LAMA1: variants seen among roughly 807,000 people sequenced by gnomAD.
The protein encoded by LAMA1 is laminin subunit alpha-1.
In LAMA1, 219 loss-of-function variants were observed where a neutral mutation model predicts 348.7. The ratio of observed to expected loss-of-function variants is 0.63; its 90% CI spans 0.56 to 0.70. LAMA1 has a LOEUF of 0.70. LAMA1 is among the 30% of genes least tolerant of loss of function. LAMA1 has a pLI of 0.00. For synonymous variants in LAMA1, 1,487 were observed against 1,491.0 expected (o/e 1.00, Z 0.06); for missense variants, 3,744 against 3,888.0 (o/e 0.96, Z 0.99).
At chr18:7,039,928 C>T (rs751866838) in intron 10 of LAMA1, 148 bp downstream of exon 10, 274 of 856,644 alleles carry the variant, frequency 3.2e-4, no homozygotes, top group Non-Finnish European at 4.6e-4. Flanking sequence ...ACAGCCAACT[C>T]GGTGTGGCTT....
chr18:6,965,013 C>T (rs534135744), intron 50 of LAMA1, among the ~76,000 whole-genome samples: 24 of 152,280 alleles, frequency 1.6e-4, no homozygotes, highest in African/African-American at 5.1e-4. Context: ...GAGCAGTATG[C>T]ATGTGGAAGA....
chr18:7,083,832 A>T (rs921231403), intron 1 of LAMA1, among the ~76,000 whole-genome samples: 1 of 152,062 alleles, frequency 6.6e-6, no homozygotes, highest in African/African-American at 2.4e-5. Context: ...GCACTTCGGG[A>T]GGCCGAGGCG....
chr18:7,016,658 C>T lies in LAMA1; in HGVS notation c.2822G>A (p.Gly941Glu), dbSNP rs746797976. ...QCDQCLHGYY[G>E]LDSGHGCRPC... ...CCGGCAGCCATGGCCTGAGTCCAGC[C>T]CATAATAGCCATGCTGTTTCACCAA... is the stretch of plus-strand genomic sequence containing the variant. The change falls in exon 21 of 63, where the codon GGG (glycine) becomes GAG (glutamate). Residue 941 changes from glycine (G) to glutamate (E), a missense_variant. Gly to Glu is a moderately conservative substitution (Grantham distance 98). Around this residue, in one of 3 missense-constraint regions of LAMA1, gnomAD observed 1,529 missense variants for 1,689.4 expected, o/e 0.91. Transcript: ENST00000389658. The T allele has an allele frequency of 6.8e-6, 11 of 1,612,812 alleles. No homozygotes were observed. Among genetic ancestry groups the T allele is most frequent in the Non-Finnish European group, 8.5e-6 (10 of 1,179,566 alleles).
rs370585221 is a variant in LAMA1, at chr18:7,040,248, A to G, written c.1262-12T>C. The G allele has an allele frequency of 6.2e-6, 10 of 1,613,936 alleles. No homozygotes were observed. In the African/African-American group the frequency reaches 9.3e-5, roughly 15 times the overall value. On this transcript the variant is annotated splice_polypyrimidine_tract_variant and intron_variant, in intron 9 of 62. Transcript: ENST00000389658. ...ACCTGGCTGCTTCCCTAGAAAGACAACAATGGCAATGACCCAACATGAAGG... is the reference window on the plus strand; with the variant it reads ...ACCTGGCTGCTTCCCTAGAAAGACAGCAATGGCAATGACCCAACATGAAGG...
At chr18:7,105,203 C>A (rs1484831316) in intron 1 of LAMA1, among the ~76,000 whole-genome samples, 1 of 152,046 alleles carries the variant, frequency 6.6e-6, no homozygotes, top group African/African-American at 2.4e-5. Flanking sequence ...CTTCAAGAGG[C>A]CGAGGCAGGT....
At chr18:7,084,074 GAAAAAAAA>G (rs35419107) in intron 1 of LAMA1, among the ~76,000 whole-genome samples, 6 of 49,706 alleles carry the variant, frequency 1.2e-4, no homozygotes, top group Non-Finnish European at 2.3e-4. Flanking sequence ...TTCTGTCTCA[GAAAAAAAA>G]AAAAAAAAAA....
At chr18:6,947,895 G>A (rs2057529383) in intron 60 of LAMA1, among the ~76,000 whole-genome samples, 1 of 152,142 alleles carries the variant, frequency 6.6e-6, no homozygotes, top group Admixed American at 6.5e-5. Flanking sequence ...GAGCTGGGGG[G>A]TGCAAGGGGA....
intron 42 of LAMA1, among the ~76,000 whole-genome samples, chr18:6,979,995 G>C (rs958810003): frequency 5.3e-5 from 8 of 151,840 alleles, no homozygotes; most frequent in African/African-American, 1.9e-4. Context: ...TGGCTTCTCT[G>C]TTACAATAAA....
At position 7,012,072 on chromosome 18, in the gene LAMA1, G is replaced by C. The variant is rs754574679; in HGVS notation, c.3430C>G (p.Pro1144Ala). 7 of 1,613,202 alleles carry C rather than the reference G, an allele frequency of 4.3e-6. No homozygotes were observed. Among genetic ancestry groups the C allele is most frequent in the Non-Finnish European group, 5.9e-6 (7 of 1,179,560 alleles). ...EGTFALRADN[P>A]LGCSPCFCSG... is the part of the protein sequence containing the mutation. ...CAGAAGCACGGGCTGCAGCCCAGGG[G>C]GTTGTCTGCGCGGAGAGCGAAGGTG... is the stretch of plus-strand genomic sequence containing the variant. The change falls in exon 24 of 63, where the codon CCC becomes GCC. Residue 1144 changes from proline to alanine, a missense_variant. This residue lies in a region of LAMA1 where 1,529 missense variants were observed against 1,689.4 expected (regional missense o/e 0.91). Coordinates refer to ENST00000389658, the MANE Select transcript of LAMA1 (RefSeq NM_005559.4).
intron 18 of LAMA1, among the ~76,000 whole-genome samples, chr18:7,024,125 T>C (rs1350937301): frequency 6.6e-6 from 1 of 152,146 alleles, no homozygotes; most frequent in African/African-American, 2.4e-5. Context: ...ATTACATGTG[T>C]GGGCCACCAA....
chr18:7,077,212 T>TA lies in LAMA1; in HGVS notation c.345+2762_345+2763insT, dbSNP rs2058172406. Reference sequence around the variant, plus strand: ...TTCTGTTCTTTTCTTTTTTTTTTTTTTTTTTTTGAGACGGAGTCTCGCTCT... The same window carrying TA: ...TTCTGTTCTTTTCTTTTTTTTTTTTTATTTTTTTGAGACGGAGTCTCGCTCT... On this transcript the variant is annotated intron_variant, in intron 3 of 62. Coordinates refer to ENST00000389658, the MANE Select transcript of LAMA1 (RefSeq NM_005559.4). Among the ~76,000 whole-genome samples, 5 of 147,030 alleles carry TA rather than the reference T, an allele frequency of 3.4e-5. No homozygotes were observed. The South Asian group carries it at 1.1e-3, about 32-fold the overall frequency.
At position 7,042,173 on chromosome 18, in the gene LAMA1, C is replaced by T. The variant is rs202160200; in HGVS notation, c.1233G>A (p.Lys411=). Residue 411 remains lysine, a synonymous_variant, in exon 9 of 63, where the codon AAG becomes AAA. Transcript: ENST00000389658. ...PVGSLSSVCI[K]DDLHSDLHNG... is the part of the protein sequence containing the mutation. ...TGTGTAAGTCAGAATGGAGGTCATC[C>T]TTAATACAGACAGAACTGAGGGACC... 2 of 1,612,382 alleles carry T rather than the reference C, an allele frequency of 1.2e-6. No homozygotes were observed. Among genetic ancestry groups the T allele is most frequent in the Non-Finnish European group, 1.7e-6 (2 of 1,179,002 alleles).
chr18:7,013,661 G>A (rs1568030838), intron 23 of LAMA1, among the ~76,000 whole-genome samples, 154 bp downstream of exon 23: 1 of 152,146 alleles, frequency 6.6e-6, no homozygotes, highest in African/African-American at 2.4e-5. Context: ...TCACTCTAGA[G>A]GAGCATAAGA....
At chr18:7,117,272 C>A (rs2058361121) in intron 1 of LAMA1, among the ~76,000 whole-genome samples, 1 of 151,820 alleles carries the variant, frequency 6.6e-6, no homozygotes, top group South Asian at 2.1e-4. Context: ...CCGCCACCCC[C>A]GCCCGCGCAG....
chr18:7,112,617 T>C (rs929360556), intron 1 of LAMA1, among the ~76,000 whole-genome samples: 1 of 147,030 alleles, frequency 6.8e-6, no homozygotes, highest in Non-Finnish European at 1.5e-5. Flanking sequence ...TACACACATA[T>C]ATGTATTTTA....
chr18:7,045,590 G>A (rs1013168143), intron 6 of LAMA1, among the ~76,000 whole-genome samples: 2 of 151,754 alleles, frequency 1.3e-5, no homozygotes, highest in African/African-American at 2.4e-5. Flanking sequence ...ACAGAGTCTC[G>A]CTCTGTCACC....
At chr18:7,025,818 A>T (rs1268005487) in intron 17 of LAMA1, among the ~76,000 whole-genome samples, 161 bp downstream of exon 17, 2 of 152,244 alleles carry the variant, frequency 1.3e-5, no homozygotes, top group Admixed American at 6.5e-5. Flanking sequence ...TTGGTTTACA[A>T]GAAAATAACC....
At chr18:6,960,666 A>G (rs2057602621) in intron 53 of LAMA1, 1 of 148,240 alleles carries the variant, frequency 6.7e-6, no homozygotes, top group Non-Finnish European at 1.5e-5. Flanking sequence ...TATGAATTTC[A>G]GCTCAACTAC....
chr18:7,050,242 GTT>G (rs1316219034), intron 4 of LAMA1, among the ~76,000 whole-genome samples: 1 of 152,150 alleles, frequency 6.6e-6, no homozygotes, highest in Non-Finnish European at 1.5e-5. Context: ...AGAATGGGCT[GTT>G]TCTCATTATA....
Sources: allele counts gnomAD v4.1 joint callset (sites outside exome capture counted in the v4.1 genomes callset), GRCh38; gene constraint gnomAD v4.1.1; regional missense constraint gnomAD v4.1.1; transcripts MANE v1.5; gene names NCBI Gene and HGNC (gene_info 2026-07-23, HGNC 2026-07-21).